FRMPD4: variants seen among roughly 807,000 people sequenced by gnomAD.
FRMPD4 encodes FERM and PDZ domain-containing protein 4.
FRMPD4 carries 22 observed loss-of-function variants against 94.1 expected under a neutral mutation model. The observed-to-expected ratio is 0.23, with a 90% CI of 0.17 to 0.33. The LOEUF is 0.33. Among genes scored for constraint, FRMPD4 ranks in the 10% least tolerant of loss-of-function variants. The pLI, the probability that FRMPD4 is intolerant of heterozygous loss-of-function variation, is 1.00. For missense variants in FRMPD4, 1,111 were observed against 1,339.9 expected (o/e 0.83, Z 2.67); for synonymous variants, 631 against 548.6 (o/e 1.15, Z -2.10).
chrX:12,160,145 G>A (rs898399993), intron 1 of FRMPD4, among the ~76,000 whole-genome samples: 2 of 110,272 alleles, frequency 1.8e-5, no homozygotes, highest in Non-Finnish European at 3.8e-5. Flanking sequence ...TTCTGTTCTG[G>A]TGAGTATGGT....
intron 3 of FRMPD4, among the ~76,000 whole-genome samples, chrX:12,115,564 C>T (rs908028731): frequency 9.0e-5 from 10 of 110,783 alleles, no homozygotes; most frequent in Non-Finnish European, 1.1e-4. Context: ...CCTTGCTCCC[C>T]TGCCCCCTCT....
chrX:12,171,234 G>A (rs916644667), intron 1 of FRMPD4, among the ~76,000 whole-genome samples: 4 of 112,394 alleles, frequency 3.6e-5, no homozygotes, highest in African/African-American at 1.3e-4. Context: ...GAGGAGCCTA[G>A]CAAGAACAGC....
intron 1 of FRMPD4, among the ~76,000 whole-genome samples, chrX:12,164,416 A>G (rs1292929211): frequency 2.7e-5 from 3 of 112,332 alleles, no homozygotes; most frequent in Non-Finnish European, 3.8e-5. Context: ...CATGGCATAT[A>G]TGTGTCACAT....
intron 3 of FRMPD4, among the ~76,000 whole-genome samples, chrX:11,911,080 C>G (rs2053994540): frequency 8.9e-6 from 1 of 112,205 alleles, no homozygotes; most frequent in African/African-American, 3.2e-5. Flanking sequence ...GATGGTTAGG[C>G]TTTGCCATCT....
chrX:12,472,467 T>A (rs1291736029), intron 1 of FRMPD4, among the ~76,000 whole-genome samples: 1 of 112,149 alleles, frequency 8.9e-6, no homozygotes, highest in Non-Finnish European at 1.9e-5. Flanking sequence ...AGAACTCTGG[T>A]CATGGAGCAG....
intron 1 of FRMPD4, among the ~76,000 whole-genome samples, chrX:12,152,982 G>A (rs1211429300): frequency 2.0e-5 from 2 of 100,045 alleles, no homozygotes; most frequent in Non-Finnish European, 4.0e-5. Flanking sequence ...GCCGGACTGC[G>A]GACTGCAGTG....
intron 1 of FRMPD4, among the ~76,000 whole-genome samples, chrX:11,862,154 G>A (rs960840306): frequency 9.0e-6 from 1 of 111,195 alleles, no homozygotes; most frequent in Non-Finnish European, 1.9e-5. Context: ...TCCAACATTG[G>A]GGGTTATAAT....
intron 6 of FRMPD4, 39 bp downstream of exon 6, chrX:12,683,626 T>C: frequency 1.5e-6 from 1 of 681,154 alleles, no homozygotes; most frequent in Non-Finnish European, 2.3e-6. Flanking sequence ...TCAGGGAGAG[T>C]CAATGAGGCA....
chrX:11,835,271 A>C, intron 1 of FRMPD4, among the ~76,000 whole-genome samples: 1 of 111,942 alleles, frequency 8.9e-6, no homozygotes. Context: ...GAAAGACTAC[A>C]TATTTCTTTA....
intron 1 of FRMPD4, among the ~76,000 whole-genome samples, chrX:12,221,481 C>T (rs1192148524): frequency 8.9e-6 from 1 of 112,217 alleles, no homozygotes; most frequent in African/African-American, 3.2e-5. Flanking sequence ...AACTAGATAT[C>T]CATATGAATA....
intron 1 of FRMPD4, among the ~76,000 whole-genome samples, chrX:12,221,629 G>A (rs2056869507): frequency 8.9e-6 from 1 of 112,230 alleles, no homozygotes; most frequent in Non-Finnish European, 1.9e-5. Flanking sequence ...AATGTTCCAA[G>A]TACAGGTAGG....
rs974500903 is a variant in FRMPD4 at position 12,360,465 on chromosome X, T to A, written c.42-138215T>A. On this transcript the variant is annotated intron_variant, in intron 1 of 16. Transcript: ENST00000675598. ...TGTTTTCAGCCTCGTTTTTTTTATA[T>A]CAAAACTAAACATGTAGGGGGAAAA... Among the ~76,000 whole-genome samples the A allele has an allele frequency of 9.9e-5, 11 of 111,389 alleles. No individual in the cohort carries two copies. The Admixed American group carries it at 1.0e-3, about 11-fold the overall frequency.
chrX:12,544,306 G>A (rs2058452056), intron 2 of FRMPD4, among the ~76,000 whole-genome samples: 1 of 111,327 alleles, frequency 9.0e-6, no homozygotes, highest in Admixed American at 9.5e-5. Flanking sequence ...ATTTCTAAAT[G>A]TCCACATAAA....
chrX:11,941,277 C>T (rs865894713), intron 3 of FRMPD4, among the ~76,000 whole-genome samples: 8 of 101,799 alleles, frequency 7.9e-5, no homozygotes, highest in African/African-American at 2.8e-4. Context: ...AGCTGTAGAC[C>T]GGAGCTGTTC....
At chrX:12,583,665 G>C (rs538955074) in intron 2 of FRMPD4, 3 of 368,544 alleles carry the variant, frequency 8.1e-6, no homozygotes, top group Non-Finnish European at 1.4e-5. Context: ...TGCGCGCCCC[G>C]CCGCCCTGTC....
rs1247940480 is a variant in FRMPD4, at chrX:12,718,731, C to T, written c.3905C>T (p.Pro1302Leu). The change falls in exon 16 of 17, where the codon CCC becomes CTC. Residue 1302 changes from proline (P) to leucine (L), a missense_variant. Around this residue, in one of 8 missense-constraint regions of FRMPD4, gnomAD observed 551 missense variants for 591.6 expected, o/e 0.93. Coordinates refer to ENST00000675598, the MANE Select transcript of FRMPD4 (RefSeq NM_001368397.1). The part of the protein sequence containing the change: ...PALHTAINTE[P>L]LFGTLRDGCH... ...CTGCACACAGCCATTAACACCGAACCCCTGTTTGGCACATTGAGAGATGGA... is the reference window on the plus strand; with the variant it reads ...CTGCACACAGCCATTAACACCGAACTCCTGTTTGGCACATTGAGAGATGGA... 8.3e-7 allele frequency: 1 copy of T among 1,209,189 alleles called. No individual in the cohort carries two copies.
chrX:11,941,489 G>A (rs148170107), intron 3 of FRMPD4, among the ~76,000 whole-genome samples: 21 of 112,015 alleles, frequency 1.9e-4, no homozygotes, highest in African/African-American at 5.5e-4. Context: ...ACAGTTAGCC[G>A]TATGCCACTT....
intron 4 of FRMPD4, among the ~76,000 whole-genome samples, chrX:12,645,391 C>T (rs1280154746): frequency 1.2e-5 from 1 of 83,256 alleles, no homozygotes; most frequent in Admixed American, 1.6e-4. Flanking sequence ...GTCTCACTCT[C>T]GTTGCCTAGG....
chrX:12,384,747 C>G (rs2056374590), intron 1 of FRMPD4, among the ~76,000 whole-genome samples: 1 of 111,747 alleles, frequency 8.9e-6, no homozygotes, highest in Non-Finnish European at 1.9e-5. Flanking sequence ...GTTATACCTT[C>G]AGATAAATTT....
Sources: allele counts gnomAD v4.1 joint callset (sites outside exome capture counted in the v4.1 genomes callset), GRCh38; gene constraint gnomAD v4.1.1; regional missense constraint gnomAD v4.1.1; transcripts MANE v1.5; gene names NCBI Gene and HGNC (gene_info 2026-07-23, HGNC 2026-07-21).